Variants in SMARCC2 observed in about 807,000 individuals in gnomAD.
The protein encoded by SMARCC2 is SWI/SNF related BAF chromatin remodeling complex subunit C2, also known as SWI/SNF complex subunit SMARCC2.
A neutral mutation model predicts 151.3 loss-of-function variants in SMARCC2; 15 were observed. That is an observed-to-expected ratio of 0.10 (90% CI 0.07 to 0.15). The LOEUF is 0.15. Among genes scored for constraint, SMARCC2 ranks in the 10% least tolerant of loss-of-function variants. SMARCC2 has a pLI of 1.00. For missense variants in SMARCC2, 1,031 were observed against 1,599.7 expected (o/e 0.64, Z 6.06); for synonymous variants, 590 against 609.5 (o/e 0.97, Z 0.47).
chr12:56,164,613 C>T lies in SMARCC2; in HGVS notation c.3351G>A (p.Pro1117=), dbSNP rs75924441. 2,804 of 1,613,342 alleles carry T rather than the reference C, an allele frequency of 1.7e-3. 5 individuals are homozygous for T. Among genetic ancestry groups the T allele is most frequent in the Non-Finnish European group, 2.2e-3 (2,592 of 1,179,682 alleles). Residue 1117 remains proline (P), a synonymous_variant, in exon 28 of 29, where the codon CCG becomes CCA. Coordinates refer to ENST00000550164, the MANE Select transcript of SMARCC2 (RefSeq NM_001330288.2). ...NAPLGLPFGM[P]PPPPPPAPSI... is the part of the protein sequence containing the mutation. Reference sequence around the variant, plus strand: ...ATGGAGCAGGAGGAGGAGGAGGAGGCGGCATGCCAAAAGGCAAACCCAAAG... The same window carrying T: ...ATGGAGCAGGAGGAGGAGGAGGAGGTGGCATGCCAAAAGGCAAACCCAAAG...
intron 28 of SMARCC2, 39 bp downstream of exon 28, chr12:56,164,264 C>G (rs1352712306): frequency 6.3e-7 from 1 of 1,592,812 alleles, no homozygotes. Context: ...CAGGTGGACC[C>G]CTCTCCCTCA....
At chr12:56,172,551 T>C in intron 19 of SMARCC2, 34 bp downstream of exon 19, 5 of 1,613,822 alleles carry the variant, frequency 3.1e-6, no homozygotes, top group South Asian at 1.1e-5. Context: ...GGAGCGAACA[T>C]TCTCTACCCC....
At position 56,171,548 on chromosome 12, in the gene SMARCC2, C is replaced by T. The variant is rs1873956382; in HGVS notation, c.2186-116G>A. 6.6e-7 allele frequency: 1 copy of T among 1,507,706 alleles called. No homozygotes were observed. Among genetic ancestry groups the T allele is most frequent in the Non-Finnish European group, 9.1e-7 (1 of 1,104,266 alleles). 93.4% of individuals were successfully genotyped at this position (1,507,706 alleles called of 1,614,324 possible). On this transcript the variant is annotated intron_variant, in intron 21 of 28. Coordinates refer to ENST00000550164, the MANE Select transcript of SMARCC2 (RefSeq NM_001330288.2). This position sits in a 1 kb window ranked among gnomAD's most constrained non-coding sequence, Gnocchi z 4.2. ...CATCTAAGCTAGTATGGAGCCTAGA[C>T]AGGTGCCTGAGCTGAGGCCCGCACA... is the stretch of plus-strand genomic sequence containing the variant.
chr12:56,187,273 G>A lies in SMARCC2; in HGVS notation c.145C>T (p.Leu49=), dbSNP rs747663975. ...AGCAACTGTACAACCAGGCTAGACA[G>A]GGACTTGTTGGTGGGTGGTTCAGCT... ...IQAEPPTNKS[L]SSLVVQLLQF... Residue 49 remains leucine (L), a synonymous_variant, in exon 2 of 29, where the codon CTG becomes TTG. Transcript: ENST00000550164. 1.2e-6 allele frequency: 2 copies of A among 1,613,634 alleles called. No homozygotes were observed. Among genetic ancestry groups the A allele is most frequent in the Non-Finnish European group, 8.5e-7 (1 of 1,179,720 alleles).
Position 56,181,071 on chromosome 12 carries a change from A to G in SMARCC2, c.987T>C (p.Arg329=). The change falls in exon 11 of 29, where the codon CGT becomes CGC. Residue 329 remains arginine, a synonymous_variant. Transcript: ENST00000550164. ...GPSTPYTKSK[R]GHREEEQEDL... The stretch of plus-strand genomic sequence containing the variant: ...CTTCTTGCTCCTCTTCTCTGTGGCC[A>G]CGCTTTGACTTAGTGTAAGGTGTTG... The G allele has an allele frequency of 6.2e-7, 1 of 1,613,966 alleles. No individual in the cohort carries two copies. Among genetic ancestry groups the G allele is most frequent in the Non-Finnish European group, 8.5e-7 (1 of 1,179,970 alleles).
chr12:56,173,085 C>T (rs1874260919), intron 17 of SMARCC2, 56 bp from the exon 18 acceptor site: 1 of 1,533,230 alleles, frequency 6.5e-7, no homozygotes, highest in African/African-American at 1.4e-5. Flanking sequence ...CAGGCCAAGG[C>T]CCTGGAGGCC....
intron 17 of SMARCC2, 24 bp from the exon 18 acceptor site, chr12:56,173,053 T>C (rs760512869): frequency 4.3e-6 from 7 of 1,611,140 alleles, no homozygotes; most frequent in Middle Eastern, 1.6e-4. Context: ...CTTGGCGTCA[T>C]GGAGGCTGGG....
chr12:56,169,884 C>G lies in SMARCC2; in HGVS notation c.2440G>C (p.Glu814Gln), dbSNP rs768938011. Residue 814 changes from glutamate to glutamine, a missense_variant, in exon 24 of 29, where the codon GAG becomes CAG. By Grantham distance (29) the Glu-to-Gln change is conservative. Transcript: ENST00000550164. ...CTGGTTTTCTCTTTTGCTTCCTCCT[C>G]TATAGCACCCCCTCCTTCTCGGGGT... is the stretch of plus-strand genomic sequence containing the variant. ...KEPREGGGAI[E>Q]EEAKEKTSEA... The G allele has an allele frequency of 1.2e-6, 2 of 1,613,936 alleles. No homozygotes were observed. Among genetic ancestry groups the G allele is most frequent in the East Asian group, 2.2e-5 (1 of 44,898 alleles).
Position 56,162,975 on chromosome 12 carries a change from C to T in SMARCC2, c.*714G>A, listed in dbSNP as rs1872082060. ...TCCCCACCAAATACACATACGCTGA[C>T]ATCAACTAAGCAAGTGACTTTTAAA... On this transcript the variant is annotated 3_prime_UTR_variant, in exon 29 of 29. Coordinates refer to ENST00000550164, the MANE Select transcript of SMARCC2 (RefSeq NM_001330288.2). 1 of 152,376 alleles carries T rather than the reference C, an allele frequency of 6.6e-6. No individual in the cohort carries two copies. Among genetic ancestry groups the T allele is most frequent in the Non-Finnish European group, 1.5e-5 (1 of 68,062 alleles). The allele number at this position is 152,376 out of a possible 1,614,324, so 9.4% of individuals were successfully genotyped here. A position where few individuals can be genotyped will look rare whatever the true frequency, so the allele number is the denominator to read the frequency against.
In SMARCC2 at chr12:56,169,883, T is replaced by C. The variant is rs557000732; in HGVS notation, c.2441A>G (p.Glu814Gly). 6.2e-7 allele frequency: 1 copy of C among 1,614,032 alleles called. No individual in the cohort carries two copies. The highest frequency in any genetic ancestry group is 1.3e-5 in the African/African-American group (1 of 75,022). ...KEPREGGGAIEEEAKEKTSEA... is the reference protein window; with the variant it reads ...KEPREGGGAIGEEAKEKTSEA... ...GCTGGTTTTCTCTTTTGCTTCCTCC[T>C]CTATAGCACCCCCTCCTTCTCGGGG... Residue 814 changes from glutamate (E) to glycine (G), a missense_variant, in exon 24 of 29, where the codon GAG becomes GGG. Glu to Gly is a moderately conservative substitution (Grantham distance 98). Around this residue, in one of 12 missense-constraint regions of SMARCC2, gnomAD observed 119 missense variants for 184.2 expected, o/e 0.65. Coordinates refer to ENST00000550164, the MANE Select transcript of SMARCC2 (RefSeq NM_001330288.2).
At chr12:56,179,813 A>C (rs951165186) in intron 11 of SMARCC2, among the ~76,000 whole-genome samples, 45 of 151,976 alleles carry the variant, frequency 3.0e-4, no homozygotes, top group African/African-American at 1.1e-3. Context: ...CAGCCTCCCG[A>C]ATAGCTAGGA....
At position 56,171,116 on chromosome 12, in the gene SMARCC2, G is replaced by A. The variant is rs1873869985; in HGVS notation, c.2347+155C>T. ...ATGAGAGGACTAGTAGGGCTCCAGA[G>A]CCCCTGAGGTAAACTCATGGGGAAA... On this transcript the variant is annotated intron_variant, in intron 22 of 28. Transcript: ENST00000550164. The surrounding 1 kb of genome is among the most constrained non-coding windows in gnomAD (Gnocchi z 4.2). Among the ~76,000 whole-genome samples, 1 of 152,196 alleles carries A rather than the reference G, an allele frequency of 6.6e-6. No homozygotes were observed. The highest frequency in any genetic ancestry group is 1.5e-5 in the Non-Finnish European group (1 of 68,030).
At chr12:56,170,352 C>G (rs1873696941) in intron 22 of SMARCC2, 144 bp from the exon 23 acceptor site, 2 of 703,654 alleles carry the variant, frequency 2.8e-6, no homozygotes, top group Admixed American at 4.4e-5. Flanking sequence ...AATCCTCCCA[C>G]CTCAGCCTCC....
chr12:56,173,160 T>C (rs976558434), intron 17 of SMARCC2, 131 bp from the exon 18 acceptor site: 5 of 697,900 alleles, frequency 7.2e-6, no homozygotes, highest in Non-Finnish European at 1.3e-5. Flanking sequence ...CCATGTTCCC[T>C]TCATGATTAA....
intron 25 of SMARCC2, 134 bp downstream of exon 25, chr12:56,169,395 C>T: frequency 8.8e-7 from 1 of 1,135,294 alleles, no homozygotes; most frequent in Non-Finnish European, 1.3e-6. Flanking sequence ...AACTTTACCT[C>T]CTCCTGAGAT....
chr12:56,181,605 A>G lies in SMARCC2; in HGVS notation c.841-8T>C, dbSNP rs759971659. The G allele has an allele frequency of 1.0e-5, 16 of 1,605,394 alleles. 1 individual carries two copies. In the South Asian group the frequency reaches 1.8e-4, roughly 18 times the overall value. On this transcript the variant is annotated splice_region_variant and splice_polypyrimidine_tract_variant and intron_variant, in intron 9 of 28. Coordinates refer to ENST00000550164, the MANE Select transcript of SMARCC2 (RefSeq NM_001330288.2). ...TGAATCTGGGCTGTTCACCTATAGG[A>G]TGGAGAATCAGGACAAATGTCAGCC...
chr12:56,172,404 C>T, intron 20 of SMARCC2, 24 bp downstream of exon 20: 5 of 1,539,366 alleles, frequency 3.2e-6, no homozygotes, highest in Non-Finnish European at 4.4e-6. Context: ...CAGAGAAAAA[C>T]TCTCTTTTCT....
chr12:56,182,025 T>G lies in SMARCC2; in HGVS notation c.687A>C (p.Pro229=). ...TCACCTTCCTAGGTTTCTCAGGAGT[T>G]GGAGCATCTTCCACAGATGCCTCAA... ...SEIEASVEDA[P]TPEKPRKVHA... The change falls in exon 8 of 29, where the codon CCA becomes CCC. Residue 229 remains proline (P), a synonymous_variant. Transcript: ENST00000550164. 6.2e-7 allele frequency: 1 copy of G among 1,612,130 alleles called. No individual in the cohort carries two copies. The highest frequency in any genetic ancestry group is 8.5e-7 in the Non-Finnish European group (1 of 1,179,232).
chr12:56,189,191 G>A (rs1169723126), intron 1 of SMARCC2, among the ~76,000 whole-genome samples, 160 bp downstream of exon 1: 2 of 146,472 alleles, frequency 1.4e-5, no homozygotes, highest in Admixed American at 1.4e-4. Context: ...GGAGGCTGGG[G>A]GAGGGGCGCG....
Sources: gnomAD v4.1 joint callset for allele counts (sites outside exome capture counted in the v4.1 genomes callset) on GRCh38, gnomAD v4.1.1 for gene constraint, gnomAD v4.1.1 regional missense constraint, Gnocchi (gnomAD v3.1) non-coding constraint, MANE v1.5 for transcripts, NCBI Gene and HGNC (gene_info 2026-07-23, HGNC 2026-07-21) for gene names.